Variants in MAF observed in about 807,000 individuals in gnomAD.
The protein encoded by MAF is transcription factor Maf.
MAF carries 10 observed loss-of-function variants against 22.0 expected under a neutral mutation model. That is an observed-to-expected ratio of 0.45 (90% confidence interval 0.28 to 0.77). The LOEUF (loss-of-function observed/expected upper bound fraction) is 0.77. MAF is among the 30% of genes least tolerant of loss of function. MAF has a pLI of 0.12. For missense variants in MAF, 544 were observed against 548.4 expected (o/e 0.99, Z 0.08); for synonymous variants, 337 against 255.8 (o/e 1.32, Z -3.03).
chr16:79,282,333 G>C, the MAF span, among the ~76,000 whole-genome samples: 1 of 152,174 alleles, frequency 6.6e-6, no homozygotes, highest in Non-Finnish European at 1.5e-5. Flanking sequence ...AAAACTGTTA[G>C]GAGGTTGGTG....
chr16:79,446,756 A>G, the MAF span, among the ~76,000 whole-genome samples: 1 of 152,012 alleles, frequency 6.6e-6, no homozygotes, highest in Non-Finnish European at 1.5e-5. Flanking sequence ...CTAAAAAAAA[A>G]AAATTAGCCG....
At chr16:79,414,333 T>C in the MAF span, among the ~76,000 whole-genome samples, 1 of 152,156 alleles carries the variant, frequency 6.6e-6, no homozygotes, top group Non-Finnish European at 1.5e-5. Context: ...CAGGAAGATT[T>C]TGCTCATGGT....
the MAF span, among the ~76,000 whole-genome samples, chr16:79,351,558 C>T: frequency 6.6e-6 from 1 of 152,046 alleles, no homozygotes; most frequent in South Asian, 2.1e-4. Flanking sequence ...ATCTCAGAGT[C>T]ACAGAGACCC....
At chr16:79,209,933 G>C in the MAF span, among the ~76,000 whole-genome samples, 4 of 152,298 alleles carry the variant, frequency 2.6e-5, no homozygotes, top group Admixed American at 2.6e-4. Context: ...CAAATCAATG[G>C]GAAAAGAAAC....
chr16:79,243,900 G>C, the MAF span, among the ~76,000 whole-genome samples: 1 of 152,026 alleles, frequency 6.6e-6, no homozygotes, highest in South Asian at 2.1e-4. Flanking sequence ...TGGGATGCAA[G>C]GTTAGTTCAA....
At chr16:79,587,694 C>A (rs755784160) in intron 1 of MAF, among the ~76,000 whole-genome samples, 1 of 151,974 alleles carries the variant, frequency 6.6e-6, no homozygotes, top group Non-Finnish European at 1.5e-5. Flanking sequence ...TGATAGTCTC[C>A]GTTATTTTTG....
At chr16:79,457,261 C>T in the MAF span, among the ~76,000 whole-genome samples, 74 of 152,138 alleles carry the variant, frequency 4.9e-4, no homozygotes, top group Non-Finnish European at 9.4e-4. Context: ...GGCTGCCCTC[C>T]TCGTTTCATG....
chr16:79,217,956 A>C, the MAF span, among the ~76,000 whole-genome samples: 20 of 123,246 alleles, frequency 1.6e-4, no homozygotes, highest in Non-Finnish European at 2.5e-4. Context: ...CATTCTGTTC[A>C]CCAGCAGGCA....
At chr16:79,327,563 T>C in the MAF span, among the ~76,000 whole-genome samples, 1 of 152,202 alleles carries the variant, frequency 6.6e-6, no homozygotes, top group Non-Finnish European at 1.5e-5. Flanking sequence ...AAACTTGCTA[T>C]AGGTGAGTCA....
At chr16:79,484,325 G>A in the MAF span, among the ~76,000 whole-genome samples, 32 of 152,130 alleles carry the variant, frequency 2.1e-4, no homozygotes, top group Admixed American at 6.5e-4. Context: ...CTTGGATTTC[G>A]TTGACCACTA....
At chr16:79,304,991 C>G in the MAF span, among the ~76,000 whole-genome samples, 1 of 152,122 alleles carries the variant, frequency 6.6e-6, no homozygotes, top group Non-Finnish European at 1.5e-5. Flanking sequence ...ATGGATGGCA[C>G]AATGTTCAGT....
At chr16:79,211,735 G>C in the MAF span, 3 of 1,614,184 alleles carry the variant, frequency 1.9e-6, no homozygotes, top group South Asian at 2.2e-5. Context: ...GAGACGGCCC[G>C]GACCCTGTGG....
At chr16:79,412,825 G>A in the MAF span, among the ~76,000 whole-genome samples, 3 of 152,326 alleles carry the variant, frequency 2.0e-5, no homozygotes, top group East Asian at 3.9e-4. Flanking sequence ...AGCGTTCTGG[G>A]AGGCGGCACT....
At chr16:79,373,730 C>T in the MAF span, among the ~76,000 whole-genome samples, 4 of 152,192 alleles carry the variant, frequency 2.6e-5, no homozygotes, top group South Asian at 8.3e-4. Context: ...ATTTAGCCCC[C>T]TCATCATGTG....
At chr16:79,483,540 G>A in the MAF span, among the ~76,000 whole-genome samples, 5 of 151,906 alleles carry the variant, frequency 3.3e-5, no homozygotes, top group African/African-American at 9.7e-5. Context: ...CACGGAATTA[G>A]AAGAGAATAG....
At chr16:79,213,987 T>C in the MAF span, among the ~76,000 whole-genome samples, 1 of 152,168 alleles carries the variant, frequency 6.6e-6, no homozygotes, top group African/African-American at 2.4e-5. Flanking sequence ...AGTCTTCCTC[T>C]GTTCCTCGAA....
chr16:79,507,292 T>C, the MAF span, among the ~76,000 whole-genome samples: 1 of 147,840 alleles, frequency 6.8e-6, no homozygotes, highest in Non-Finnish European at 1.5e-5. Flanking sequence ...TTTTTTGTAC[T>C]TTTTTAGTGG....
At chr16:79,344,702 T>A in the MAF span, among the ~76,000 whole-genome samples, 3 of 152,220 alleles carry the variant, frequency 2.0e-5, no homozygotes, top group Non-Finnish European at 4.4e-5. Flanking sequence ...GAGAGCTTAC[T>A]GAAACACTGA....
rs551893130 is a variant in MAF, at chr16:79,598,133, T to G, written c.1118+652A>C. 3 of 1,044,608 alleles carry G rather than the reference T, an allele frequency of 2.9e-6. No individual in the cohort carries two copies. The African/African-American group carries it at 5.1e-5, about 18-fold the overall frequency. The allele number at this position is 1,044,608 out of a possible 1,614,324, so 64.7% of individuals were successfully genotyped here. A position where few individuals can be genotyped will look rare whatever the true frequency, so the allele number is the denominator to read the frequency against. On this transcript the variant is annotated intron_variant, in intron 1 of 1. Transcript: ENST00000326043. ...TTTCCTTTGCAAGCTCAATCTCACA[T>G]GAAGAACTCAGGAGAAGAAAAAAAA...
Sources: allele counts gnomAD v4.1 joint callset (sites outside exome capture counted in the v4.1 genomes callset), GRCh38; gene constraint gnomAD v4.1.1; transcripts MANE v1.5; gene names NCBI Gene and HGNC (gene_info 2026-07-23, HGNC 2026-07-21).